The following BMPR1B variants were observed in gnomAD, a reference collection of about 807,000 sequenced individuals.
BMPR1B encodes the protein bone morphogenetic protein receptor type-1B.
Under a neutral mutation model 59.1 loss-of-function variants are expected in BMPR1B, and 12 were observed. The ratio of observed to expected loss-of-function variants is 0.20; its 90% CI spans 0.13 to 0.33. The LOEUF (loss-of-function observed/expected upper bound fraction) is 0.33. Among genes scored for constraint, BMPR1B ranks in the 10% least tolerant of loss-of-function variants. The pLI is 1.00. For missense variants in BMPR1B, 550 were observed against 610.9 expected (o/e 0.90, Z 1.05); for synonymous variants, 237 against 207.3 (o/e 1.14, Z -1.23).
chr4:94,782,506 A>G (rs1237794603), intron 1 of BMPR1B, among the ~76,000 whole-genome samples: 3 of 151,888 alleles, frequency 2.0e-5, no homozygotes, highest in Admixed American at 6.5e-5. Flanking sequence ...AGGTTTTGCC[A>G]TGTTGCCCAG....
At chr4:95,067,439 C>T (rs926436468) in intron 3 of BMPR1B, among the ~76,000 whole-genome samples, 1 of 152,098 alleles carries the variant, frequency 6.6e-6, no homozygotes, top group Admixed American at 6.5e-5. Context: ...GTTTAGAAAA[C>T]CTAGTCGGCC....
chr4:94,929,343 C>T (rs1017346876), intron 2 of BMPR1B, among the ~76,000 whole-genome samples: 1 of 152,108 alleles, frequency 6.6e-6, no homozygotes, highest in African/African-American at 2.4e-5. Context: ...TAGAACCACT[C>T]TCTGTATGTT....
chr4:94,767,873 A>C (rs969802683), intron 1 of BMPR1B, among the ~76,000 whole-genome samples: 3 of 152,072 alleles, frequency 2.0e-5, no homozygotes, highest in Non-Finnish European at 4.4e-5. Flanking sequence ...CTTCCTCCTC[A>C]AATATAGAAG....
chr4:94,845,736 A>C (rs1170653645), intron 1 of BMPR1B, among the ~76,000 whole-genome samples: 2 of 152,174 alleles, frequency 1.3e-5, no homozygotes, highest in African/African-American at 2.4e-5. Context: ...TTTATCTCTT[A>C]TTTATATCTT....
chr4:94,862,964 A>C, intron 1 of BMPR1B, among the ~76,000 whole-genome samples: 1 of 132,192 alleles, frequency 7.6e-6, no homozygotes, highest in African/African-American at 3.8e-5. Flanking sequence ...AAAAAAAAAA[A>C]AAATTTAGCT....
chr4:94,953,640 C>T (rs909714526), intron 2 of BMPR1B, among the ~76,000 whole-genome samples: 2 of 152,122 alleles, frequency 1.3e-5, no homozygotes, highest in Non-Finnish European at 2.9e-5. Flanking sequence ...TAGCGTGATG[C>T]GCTTTCATTT....
intron 2 of BMPR1B, among the ~76,000 whole-genome samples, chr4:94,982,909 C>A (rs1418503927): frequency 6.6e-6 from 1 of 151,358 alleles, no homozygotes; most frequent in East Asian, 1.9e-4. Context: ...GGCATGAACC[C>A]GGGAGGCGGA....
chr4:94,914,015 A>G (rs1728385680), intron 2 of BMPR1B, among the ~76,000 whole-genome samples: 1 of 152,172 alleles, frequency 6.6e-6, no homozygotes, highest in South Asian at 2.1e-4. Flanking sequence ...AAACTGTGAA[A>G]TTTCAAGTCT....
At chr4:95,141,517 G>A (rs1210105728) in intron 10 of BMPR1B, among the ~76,000 whole-genome samples, 6 of 152,166 alleles carry the variant, frequency 3.9e-5, no homozygotes, top group South Asian at 2.1e-4. Context: ...ATTTTAAAAC[G>A]CTGTATTGGT....
chr4:95,056,152 C>T (rs1045294075), intron 3 of BMPR1B, among the ~76,000 whole-genome samples: 3 of 152,096 alleles, frequency 2.0e-5, no homozygotes, highest in South Asian at 2.1e-4. Context: ...CTTTCTTATG[C>T]TGCATTTTAG....
intron 1 of BMPR1B, among the ~76,000 whole-genome samples, chr4:94,870,293 T>G (rs1179618600): frequency 2.0e-5 from 3 of 151,196 alleles, no homozygotes; most frequent in Non-Finnish European, 4.4e-5. Context: ...TTCGTAGTCA[T>G]ACACTAGCTC....
At chr4:95,098,413 C>G (rs1320944000) in intron 3 of BMPR1B, among the ~76,000 whole-genome samples, 1 of 152,100 alleles carries the variant, frequency 6.6e-6, no homozygotes, top group Non-Finnish European at 1.5e-5. Flanking sequence ...TTCAGTATGA[C>G]TTGATATTAA....
intron 3 of BMPR1B, among the ~76,000 whole-genome samples, chr4:95,038,103 C>A (rs1177034218): frequency 6.6e-6 from 1 of 152,038 alleles, no homozygotes; most frequent in African/African-American, 2.4e-5. Flanking sequence ...AATGAGAAGG[C>A]AAGAATTGAG....
At chr4:94,887,151 GACTCA>G (rs1433716025) in intron 2 of BMPR1B, among the ~76,000 whole-genome samples, 1 of 151,324 alleles carries the variant, frequency 6.6e-6, no homozygotes, top group Non-Finnish European at 1.5e-5. Flanking sequence ...AAACTTGGAG[GACTCA>G]ACTCTTCTCC....
chr4:94,996,135 G>T lies in BMPR1B; in HGVS notation c.-18+1G>T, dbSNP rs761522559. 9 of 152,222 alleles carry T rather than the reference G, an allele frequency of 5.9e-5. No homozygotes were observed. The highest frequency in any genetic ancestry group is 1.3e-4 in the Non-Finnish European group (9 of 68,054). The allele number at this position is 152,222 out of a possible 1,614,324, so 9.4% of individuals were successfully genotyped here. A position where few individuals can be genotyped will look rare whatever the true frequency, so the allele number is the denominator to read the frequency against. ...AAGCAAGCCTGCCATAAGTGAGAAG[G>T]TAAGTAATTAGCCAGTTCAGTCTCG... On this transcript the variant is annotated splice_donor_variant, in intron 3 of 12. Transcript: ENST00000515059. LOFTEE classifies it low-confidence loss of function (5UTR_SPLICE).
chr4:94,878,736 T>C (rs1221215005), intron 2 of BMPR1B, among the ~76,000 whole-genome samples: 6 of 145,614 alleles, frequency 4.1e-5, no homozygotes, highest in Non-Finnish European at 4.6e-5. Context: ...AGGTTCTGCT[T>C]TTTTTTTTTT....
intron 4 of BMPR1B, 143 bp from the exon 5 acceptor site, chr4:95,114,577 C>A: frequency 3.8e-6 from 3 of 792,986 alleles, no homozygotes; most frequent in African/African-American, 3.4e-5. Flanking sequence ...ATTCTCTTAA[C>A]AGATCATTGA....
In BMPR1B at chr4:94,837,993, T is replaced by C. The variant is rs926028683; in HGVS notation, c.-182-37838T>C. Among the ~76,000 whole-genome samples the C allele has an allele frequency of 7.1e-3, 960 of 135,234 alleles. 60 individuals carry two copies. The highest frequency in any genetic ancestry group is 0.025 in the African/African-American group (884 of 34,982). 88.7% of individuals were successfully genotyped at this position (135,234 alleles called of 152,430 possible). ...AGGGTTGTTGAATTTTGTCAAAGGC[T>C]TTTTCTGCATCTATTGAGATAATCA... On this transcript the variant is annotated intron_variant, in intron 1 of 12. Transcript: ENST00000515059.
At chr4:95,051,576 G>A in intron 3 of BMPR1B, 1 of 839,970 alleles carries the variant, frequency 1.2e-6, no homozygotes, top group Non-Finnish European at 1.9e-6. Context: ...CCTGTCTCAG[G>A]GTTGCTGGCA....
Sources: gnomAD v4.1 joint callset for allele counts (sites outside exome capture counted in the v4.1 genomes callset) on GRCh38, gnomAD v4.1.1 for gene constraint, MANE v1.5 for transcripts, NCBI Gene and HGNC (gene_info 2026-07-23, HGNC 2026-07-21) for gene names.